The following NDRG3 variants were observed in gnomAD, a reference collection of about 807,000 sequenced individuals.
NDRG3 encodes NDRG family member 3.
A neutral mutation model predicts 57.2 loss-of-function variants in NDRG3; 23 were observed. That is an observed-to-expected ratio of 0.40 (90% confidence interval 0.29 to 0.57). The LOEUF is 0.57. Ranked by LOEUF, NDRG3 falls within the 20% of genes least tolerant of loss-of-function variation. NDRG3 has a pLI of 0.42. For missense variants in NDRG3, 384 were observed against 457.3 expected, an observed-to-expected ratio of 0.84 and a Z score of 1.46; for synonymous variants, 132 against 162.6, an observed-to-expected ratio of 0.81 and a Z score of 1.43.
chr20:36,664,563 C>A (rs1193886633), intron 12 of NDRG3, among the ~76,000 whole-genome samples: 1 of 152,158 alleles, frequency 6.6e-6, no homozygotes, highest in Non-Finnish European at 1.5e-5. Flanking sequence ...AAAAACTGAT[C>A]CCATCTAATG....
At chr20:36,686,382 A>G (rs939598488) in intron 5 of NDRG3, among the ~76,000 whole-genome samples, 7 of 152,242 alleles carry the variant, frequency 4.6e-5, no homozygotes, top group African/African-American at 1.4e-4. Flanking sequence ...CTTATCCCAT[A>G]GGGTTGTGAG....
chr20:36,695,308 T>C (rs547998757), intron 3 of NDRG3, among the ~76,000 whole-genome samples: 1 of 152,166 alleles, frequency 6.6e-6, no homozygotes, highest in Non-Finnish European at 1.5e-5. Context: ...TTGAACAATA[T>C]GAAATCTGGG....
At chr20:36,673,351 C>T (rs1431665426) in intron 8 of NDRG3, among the ~76,000 whole-genome samples, 1 of 151,974 alleles carries the variant, frequency 6.6e-6, no homozygotes, top group Non-Finnish European at 1.5e-5. Flanking sequence ...TAAAAATATG[C>T]TTATCACAAG....
At chr20:36,657,406 T>TG (rs1397315767) in intron 13 of NDRG3, among the ~76,000 whole-genome samples, 4 of 151,636 alleles carry the variant, frequency 2.6e-5, no homozygotes, top group Admixed American at 6.6e-5. Context: ...AAGAATCACT[T>TG]GAACTCATGA....
intron 3 of NDRG3, among the ~76,000 whole-genome samples, chr20:36,698,168 T>C (rs1206730809): frequency 6.6e-6 from 1 of 152,008 alleles, no homozygotes; most frequent in African/African-American, 2.4e-5. Flanking sequence ...CATTTCAACA[T>C]GTTGGCCAGG....
chr20:36,698,620 A>T (rs910491164), intron 3 of NDRG3, among the ~76,000 whole-genome samples: 2 of 152,092 alleles, frequency 1.3e-5, no homozygotes, highest in Non-Finnish European at 2.9e-5. Flanking sequence ...AAAGCCATGT[A>T]TAAGTGAACC....
intron 3 of NDRG3, among the ~76,000 whole-genome samples, chr20:36,698,029 G>T (rs944380077): frequency 7.0e-6 from 1 of 142,168 alleles, no homozygotes; most frequent in Admixed American, 7.5e-5. Flanking sequence ...GCAGTGGCCC[G>T]ATCTCAGCTC....
At chr20:36,719,026 C>T (rs1984433343) in intron 2 of NDRG3, among the ~76,000 whole-genome samples, 1 of 152,068 alleles carries the variant, frequency 6.6e-6, no homozygotes, top group Non-Finnish European at 1.5e-5. Flanking sequence ...CTAGGCACAA[C>T]ATTTTTGGCA....
chr20:36,692,174 A>C (rs1982315691), intron 3 of NDRG3, among the ~76,000 whole-genome samples: 1 of 152,236 alleles, frequency 6.6e-6, no homozygotes, highest in South Asian at 2.1e-4. Flanking sequence ...CTAAGTGGTG[A>C]CCAGGATGCA....
chr20:36,703,421 CCTATCTATCTATCTATCTAT>C lies in NDRG3; in HGVS notation c.93+3531_93+3550del, dbSNP rs5841239. On this transcript the variant is annotated intron_variant, in intron 3 of 15. Transcript: ENST00000349004. ...CTCTAAATATATATATATGTAATAT[CCTATCTATCTATCTATCTAT>C]CTATCTATCTATCTATCTATATGTG... Among the ~76,000 whole-genome samples the C allele has an allele frequency of 2.7e-5, 4 of 147,014 alleles. No homozygotes were observed. In the Admixed American group the frequency reaches 2.8e-4, roughly 10 times the overall value.
chr20:36,671,112 G>A (rs1276052812), intron 9 of NDRG3, among the ~76,000 whole-genome samples: 4 of 152,152 alleles, frequency 2.6e-5, no homozygotes, highest in Non-Finnish European at 5.9e-5. Flanking sequence ...CTACTTACAG[G>A]AACAGGTAGC....
intron 2 of NDRG3, 77 bp downstream of exon 2, chr20:36,721,602 T>C: frequency 1.2e-6 from 1 of 832,782 alleles, no homozygotes; most frequent in Non-Finnish European, 2.0e-6. Context: ...AAGTTACTAT[T>C]TAGATGATAC....
chr20:36,713,786 G>A (rs1218200861), intron 2 of NDRG3, among the ~76,000 whole-genome samples: 6 of 152,178 alleles, frequency 3.9e-5, no homozygotes, highest in Non-Finnish European at 7.3e-5. Flanking sequence ...TACTTGATTT[G>A]AGGAAGAAAC....
chr20:36,696,804 T>A (rs1162239436), intron 3 of NDRG3, among the ~76,000 whole-genome samples: 1 of 152,152 alleles, frequency 6.6e-6, no homozygotes, highest in African/African-American at 2.4e-5. Flanking sequence ...TCTGGCCTTT[T>A]CTATAACAAC....
intron 2 of NDRG3, among the ~76,000 whole-genome samples, chr20:36,711,188 A>G (rs1479899060): frequency 1.3e-5 from 2 of 150,332 alleles, no homozygotes; most frequent in Admixed American, 1.3e-4. Flanking sequence ...AGGCTGAGGC[A>G]GAATGGTGTG....
intron 3 of NDRG3, among the ~76,000 whole-genome samples, chr20:36,701,762 G>A (rs536929087): frequency 6.6e-6 from 1 of 151,202 alleles, no homozygotes; most frequent in Non-Finnish European, 1.5e-5. Flanking sequence ...TGGCCAGGCT[G>A]GTTTCGAACT....
chr20:36,706,096 G>A (rs1983533407), intron 3 of NDRG3, among the ~76,000 whole-genome samples: 2 of 152,138 alleles, frequency 1.3e-5, no homozygotes. Flanking sequence ...GGTAGATGGA[G>A]AACTGCTGGT....
chr20:36,673,325 A>ATATTT (rs1343317712), intron 8 of NDRG3, among the ~76,000 whole-genome samples: 1 of 152,222 alleles, frequency 6.6e-6, no homozygotes, highest in African/African-American at 2.4e-5. Context: ...GATGACTAGA[A>ATATTT]TATTTTAAGT....
chr20:36,737,164 G>T (rs538354605), intron 1 of NDRG3, among the ~76,000 whole-genome samples: 158 of 152,234 alleles, frequency 1.0e-3, no homozygotes, highest in Non-Finnish European at 1.6e-3. Context: ...AACAAAGCAA[G>T]ACCCATCTAG....
Sources: gnomAD v4.1 joint callset for allele counts (sites outside exome capture counted in the v4.1 genomes callset) on GRCh38, gnomAD v4.1.1 for gene constraint, MANE v1.5 for transcripts, NCBI Gene and HGNC (gene_info 2026-07-23, HGNC 2026-07-21) for gene names.